GOLGA4: variants seen among roughly 807,000 people sequenced by gnomAD.
The protein encoded by GOLGA4 is golgin subfamily A member 4.
A neutral mutation model predicts 265.9 loss-of-function variants in GOLGA4; 169 were observed. That is an observed-to-expected ratio of 0.64 (90% CI 0.56 to 0.72). The LOEUF is 0.72. Among genes scored for constraint, GOLGA4 ranks in the 30% least tolerant of loss-of-function variants. GOLGA4 has a pLI of 0.00. For synonymous variants in GOLGA4, 923 were observed against 855.8 expected, an observed-to-expected ratio of 1.08 and a Z score of -1.37; for missense variants, 2,482 against 2,483.4, an observed-to-expected ratio of 1.00 and a Z score of 0.01.
chr3:37,291,330 T>C (rs6791671), intron 5 of GOLGA4, among the ~76,000 whole-genome samples: 63,783 of 151,778 alleles, frequency 0.42, 13,964 homozygotes, highest in African/African-American at 0.46. Flanking sequence ...TCTGAGGGAG[T>C]TATACTCAAG....
chr3:37,278,451 C>T (rs1393770560), intron 2 of GOLGA4, among the ~76,000 whole-genome samples: 5 of 152,168 alleles, frequency 3.3e-5, no homozygotes, highest in African/African-American at 4.8e-5. Flanking sequence ...GATCCACCCG[C>T]CTTGGCCTCC....
chr3:37,317,981 T>C (rs1361650354), intron 11 of GOLGA4, among the ~76,000 whole-genome samples: 1 of 152,088 alleles, frequency 6.6e-6, no homozygotes, highest in African/African-American at 2.4e-5. Flanking sequence ...GATTTTTTTT[T>C]TTAATTTAAA....
chr3:37,313,698 A>G (rs894207478), intron 10 of GOLGA4, among the ~76,000 whole-genome samples: 4 of 152,200 alleles, frequency 2.6e-5, no homozygotes, highest in Non-Finnish European at 5.9e-5. Context: ...ATGCATACAT[A>G]CATATACAAC....
At position 37,251,657 on chromosome 3, in the gene GOLGA4, T is replaced by C. The variant is rs1220929777; in HGVS notation, c.162+173T>C. On this transcript the variant is annotated intron_variant, in intron 2 of 23. Coordinates refer to ENST00000361924, the MANE Select transcript of GOLGA4 (RefSeq NM_002078.5). ...TTTTTTTTTTCACAAATAGCAGTTA[T>C]GATTTATGTCTGTCTGTCTGTCTGT... 2.7e-5 allele frequency among the ~76,000 whole-genome samples: 4 copies of C among 150,612 alleles called. No homozygotes were observed. In the East Asian group the frequency reaches 7.8e-4, roughly 29 times the overall value.
rs1559428670 is a variant in GOLGA4 at position 37,324,100 on chromosome 3, T to C, written c.2214T>C (p.Ser738=). Residue 738 remains serine (S), a synonymous_variant, in exon 14 of 24, where the codon AGT becomes AGC. Transcript: ENST00000361924. ...QKNHHQQQVD[S]IIKEHEVSIQ... ...ATCATCACCAGCAGCAAGTTGACAG[T>C]ATCATTAAAGAACACGAGGTATCTA... The C allele has an allele frequency of 1.2e-6, 2 of 1,613,952 alleles. No homozygotes were observed. The highest frequency in any genetic ancestry group is 2.2e-5 in the South Asian group (2 of 91,080).
At chr3:37,297,337 G>A (rs968115422) in intron 7 of GOLGA4, among the ~76,000 whole-genome samples, 33 of 152,244 alleles carry the variant, frequency 2.2e-4, no homozygotes, top group Middle Eastern at 6.8e-3. Flanking sequence ...GGCCAGTCCC[G>A]AAATTCCCAG....
intron 2 of GOLGA4, among the ~76,000 whole-genome samples, chr3:37,267,122 C>T (rs753003487): frequency 1.3e-5 from 2 of 152,184 alleles, no homozygotes; most frequent in African/African-American, 2.4e-5. Flanking sequence ...GGCTGGTGTG[C>T]TTCCTGGTAG....
At chr3:37,365,328 G>A (rs1696664198) in intron 23 of GOLGA4, among the ~76,000 whole-genome samples, 1 of 152,142 alleles carries the variant, frequency 6.6e-6, no homozygotes, top group Admixed American at 6.5e-5. Context: ...GAGAGCGATG[G>A]CATGATCTCG....
chr3:37,347,146 T>G (rs777665679), intron 20 of GOLGA4, 47 bp from the exon 21 acceptor site: 2 of 1,091,822 alleles, frequency 1.8e-6, no homozygotes, highest in Non-Finnish European at 1.4e-6. Flanking sequence ...AATAAGTAGT[T>G]TACCTGGTTT....
intron 16 of GOLGA4, among the ~76,000 whole-genome samples, chr3:37,330,616 A>C (rs897037817): frequency 6.6e-6 from 1 of 152,202 alleles, no homozygotes; most frequent in African/African-American, 2.4e-5. Context: ...TTGTCCTTCA[A>C]GCTTCAGGCT....
At chr3:37,270,941 A>C (rs2096797015) in intron 2 of GOLGA4, among the ~76,000 whole-genome samples, 1 of 152,016 alleles carries the variant, frequency 6.6e-6, no homozygotes, top group African/African-American at 2.4e-5. Context: ...TCCTGCAACT[A>C]GATGGTCCCT....
chr3:37,321,665 G>T, intron 12 of GOLGA4, 66 bp from the exon 13 acceptor site: 1 of 1,375,032 alleles, frequency 7.3e-7, no homozygotes, highest in Non-Finnish European at 1.0e-6. Flanking sequence ...TGATTCCTGG[G>T]GAAGTACTTT....
At chr3:37,365,894 A>C (rs1377341819) in intron 23 of GOLGA4, among the ~76,000 whole-genome samples, 186 bp from the exon 24 acceptor site, 1 of 151,762 alleles carries the variant, frequency 6.6e-6, no homozygotes, top group Non-Finnish European at 1.5e-5. Context: ...TGGCCTCTCA[A>C]AGTGCTGGGA....
intron 2 of GOLGA4, among the ~76,000 whole-genome samples, chr3:37,255,369 G>A (rs1418364191): frequency 6.6e-6 from 1 of 151,858 alleles, no homozygotes; most frequent in African/African-American, 2.4e-5. Context: ...CACCATGTTG[G>A]CCAGGCTGGT....
chr3:37,246,778 T>A (rs1368440710), intron 1 of GOLGA4, among the ~76,000 whole-genome samples: 1 of 152,234 alleles, frequency 6.6e-6, no homozygotes, highest in African/African-American at 2.4e-5. Flanking sequence ...ATGTTATGTA[T>A]ATTTTTAAAA....
At chr3:37,334,796 A>G (rs1187780150) in intron 16 of GOLGA4, among the ~76,000 whole-genome samples, 5 of 152,114 alleles carry the variant, frequency 3.3e-5, no homozygotes, top group African/African-American at 1.2e-4. Context: ...GAGGGTGAGA[A>G]AAATGATATC....
chr3:37,351,718 T>C (rs1368094311), intron 21 of GOLGA4, among the ~76,000 whole-genome samples: 6 of 152,138 alleles, frequency 3.9e-5, no homozygotes, highest in Admixed American at 1.3e-4. Context: ...AGCAGTAATA[T>C]TTGAAGGGAA....
intron 2 of GOLGA4, among the ~76,000 whole-genome samples, chr3:37,262,616 ACTG>A (rs2096772860): frequency 6.6e-6 from 1 of 152,116 alleles, no homozygotes; most frequent in Non-Finnish European, 1.5e-5. Context: ...CAGAAAGAAC[ACTG>A]TGGCTAGGCC....
At chr3:37,270,202 CTTTTTT>C (rs144373648) in intron 2 of GOLGA4, among the ~76,000 whole-genome samples, 2 of 99,898 alleles carry the variant, frequency 2.0e-5, no homozygotes, top group Non-Finnish European at 2.0e-5. Flanking sequence ...CCAGTTGTAG[CTTTTTT>C]TTTTTTTTTT....
Sources: allele counts gnomAD v4.1 joint callset (sites outside exome capture counted in the v4.1 genomes callset), GRCh38; gene constraint gnomAD v4.1.1; transcripts MANE v1.5; gene names NCBI Gene and HGNC (gene_info 2026-07-23, HGNC 2026-07-21).